IL6ST: variants seen among roughly 807,000 people sequenced by gnomAD.
IL6ST encodes interleukin-6 receptor subunit beta.
A neutral mutation model predicts 91.3 loss-of-function variants in IL6ST; 24 were observed. That is an observed-to-expected ratio of 0.26 (90% confidence interval 0.19 to 0.37). The LOEUF is 0.37. Among genes scored for constraint, IL6ST ranks in the 10% least tolerant of loss-of-function variants. IL6ST has a pLI of 1.00. For missense variants in IL6ST, 914 were observed against 1,078.5 expected (o/e 0.85, Z 2.14); for synonymous variants, 351 against 373.6 (o/e 0.94, Z 0.70).
chr5:55,960,197 A>T (rs778200171), intron 8 of IL6ST, among the ~76,000 whole-genome samples: 3 of 152,008 alleles, frequency 2.0e-5, no homozygotes, highest in Non-Finnish European at 4.4e-5. Context: ...ATGATAATTT[A>T]ATTAGGTATC....
chr5:55,986,556 C>T (rs767061467), intron 1 of IL6ST, among the ~76,000 whole-genome samples: 6 of 152,150 alleles, frequency 3.9e-5, no homozygotes, highest in Non-Finnish European at 5.9e-5. Context: ...AGACCATTTA[C>T]ATTTAATATA....
rs777306092 is a variant in IL6ST at position 55,942,694 on chromosome 5, C to T, written c.1995G>A (p.Gln665=). ...VPDPSKSHIA[Q]WSPHTPPRHN... ...CCCTTGGAGGAGTGTGAGGTGACCA[C>T]TGGGCAATATGACTCTTTGAAGGAT... is the stretch of plus-strand genomic sequence containing the variant. Residue 665 remains glutamine (Q), a synonymous_variant, in exon 16 of 17, where the codon CAG becomes CAA. Coordinates refer to ENST00000381298, the MANE Select transcript of IL6ST (RefSeq NM_002184.4). 2 of 1,606,636 alleles carry T rather than the reference C, an allele frequency of 1.2e-6. No homozygotes were observed. Among genetic ancestry groups the T allele is most frequent in the Non-Finnish European group, 1.7e-6 (2 of 1,174,512 alleles).
chr5:55,946,915 T>C (rs903497693), intron 15 of IL6ST, among the ~76,000 whole-genome samples: 10 of 151,816 alleles, frequency 6.6e-5, no homozygotes, highest in Admixed American at 2.6e-4. Context: ...TGTGATTCTA[T>C]TTATATAAAA....
chr5:55,957,003 C>A (rs1235622549), intron 9 of IL6ST, among the ~76,000 whole-genome samples: 1 of 151,856 alleles, frequency 6.6e-6, no homozygotes, highest in Non-Finnish European at 1.5e-5. Context: ...GCTAAAAATA[C>A]AAAAATTAGC....
In IL6ST at chr5:55,937,888, A is replaced by G. The variant is rs1016529940; in HGVS notation, c.*3194T>C. Reference sequence around the variant, plus strand: ...GCAAAATTAGAATGATGTGGACTATAACAGAATGAAGGAAGATCTCTCCTG... The same window carrying G: ...GCAAAATTAGAATGATGTGGACTATGACAGAATGAAGGAAGATCTCTCCTG... On this transcript the variant is annotated 3_prime_UTR_variant, in exon 17 of 17. Coordinates refer to ENST00000381298, the MANE Select transcript of IL6ST (RefSeq NM_002184.4). 16 of 198,474 alleles carry G rather than the reference A, an allele frequency of 8.1e-5. No homozygotes were observed. The highest frequency in any genetic ancestry group is 1.5e-4 in the Non-Finnish European group (14 of 95,862). 12.3% of individuals were successfully genotyped at this position (198,474 alleles called of 1,614,324 possible). A position where few individuals can be genotyped will look rare whatever the true frequency, so the allele number is the denominator to read the frequency against.
intron 1 of IL6ST, among the ~76,000 whole-genome samples, chr5:55,985,719 G>A (rs1230833788): frequency 6.6e-6 from 1 of 152,168 alleles, no homozygotes; most frequent in African/African-American, 2.4e-5. Context: ...TTTCTCAAGT[G>A]AATTGCCTTT....
chr5:55,937,505 A>G lies in IL6ST; in HGVS notation c.*3577T>C. 1 of 210,050 alleles carries G rather than the reference A, an allele frequency of 4.8e-6. No individual in the cohort carries two copies. The highest frequency in any genetic ancestry group is 9.7e-6 in the Non-Finnish European group (1 of 103,170). The allele number at this position is 210,050 out of a possible 1,614,324, so 13.0% of individuals were successfully genotyped here. On this transcript the variant is annotated 3_prime_UTR_variant, in exon 17 of 17. Transcript: ENST00000381298. ...TGAATTCTGTTTATCGAGTCTGAAA[A>G]GGAACTGCTGCCAAGGACCAGTCCA...
chr5:55,958,583 A>G (rs977117995), intron 8 of IL6ST, among the ~76,000 whole-genome samples: 15 of 152,136 alleles, frequency 9.9e-5, no homozygotes, highest in African/African-American at 3.4e-4. Context: ...CGTGCCTGCG[A>G]TCCCAGCACT....
intron 16 of IL6ST, among the ~76,000 whole-genome samples, chr5:55,942,083 C>G (rs10940493): frequency 0.033 from 5,081 of 152,204 alleles, 291 homozygotes; most frequent in African/African-American, 0.12. Flanking sequence ...CTAGGATTAA[C>G]TGGACAGAAA....
At chr5:55,988,814 G>GA (rs34727997) in intron 1 of IL6ST, among the ~76,000 whole-genome samples, 13,061 of 144,000 alleles carry the variant, frequency 0.091, 652 homozygotes, top group Middle Eastern at 0.15. Context: ...TAACTAATTA[G>GA]AAAATGTAAC....
At chr5:55,948,013 T>C (rs1382499870) in intron 14 of IL6ST, among the ~76,000 whole-genome samples, 1 of 152,042 alleles carries the variant, frequency 6.6e-6, no homozygotes. Flanking sequence ...CTGGGTAAAA[T>C]GGAAAAGCTA....
chr5:55,968,078 T>A (rs1261796500), intron 5 of IL6ST, among the ~76,000 whole-genome samples, 198 bp downstream of exon 5: 1 of 152,190 alleles, frequency 6.6e-6, no homozygotes, highest in Non-Finnish European at 1.5e-5. Context: ...GTTACAGGCA[T>A]GGGCCGCCGC....
intron 11 of IL6ST, 94 bp downstream of exon 11, chr5:55,954,716 C>T (rs901775971): frequency 2.1e-5 from 18 of 854,498 alleles, no homozygotes; most frequent in African/African-American, 1.9e-4. Context: ...AATTGGAAGT[C>T]GTTTCAACGG....
chr5:55,941,518 A>T lies in IL6ST; in HGVS notation c.2321T>A (p.Val774Asp). 1 of 1,614,150 alleles carries T rather than the reference A, an allele frequency of 6.2e-7. No individual in the cohort carries two copies. The highest frequency in any genetic ancestry group is 8.5e-7 in the Non-Finnish European group (1 of 1,180,006). ...AGACTCGGATCTTGAGAAGACTTGG[A>T]CTGACGGAACTTGGTGTCTGTAGCC... Reference protein sequence around the residue: ...HSGYRHQVPSVQVFSRSESTQ... With the variant: ...HSGYRHQVPSDQVFSRSESTQ... The change falls in exon 17 of 17, where the codon GTC becomes GAC. Residue 774 changes from valine (V) to aspartate (D), a missense_variant. Coordinates refer to ENST00000381298, the MANE Select transcript of IL6ST (RefSeq NM_002184.4).
rs1453934478 is a variant in IL6ST, at chr5:55,951,921, T to C, written c.1699+8A>G. ...ACTGATTCTTAATAACTGATACAGT[T>C]TTATTACCAGTTTCATTTCCAATGA... On this transcript the variant is annotated splice_region_variant and intron_variant, in intron 13 of 16. Coordinates refer to ENST00000381298, the MANE Select transcript of IL6ST (RefSeq NM_002184.4). 1.4e-6 allele frequency: 2 copies of C among 1,390,370 alleles called. No individual in the cohort carries two copies. Among genetic ancestry groups the C allele is most frequent in the Admixed American group, 1.8e-5 (1 of 55,662 alleles). 86.1% of individuals were successfully genotyped at this position (1,390,370 alleles called of 1,614,324 possible). A position where few individuals can be genotyped will look rare whatever the true frequency, so the allele number is the denominator to read the frequency against.
At chr5:55,968,191 ATAT>A in intron 5 of IL6ST, 82 bp downstream of exon 5, 1 of 1,139,536 alleles carries the variant, frequency 8.8e-7, no homozygotes, top group Non-Finnish European at 1.3e-6. Flanking sequence ...ATAGCATTTA[ATAT>A]TATTACTTGG....
Position 55,991,805 on chromosome 5 carries a change from TAG to T in IL6ST, c.-104+2977_-104+2978del, listed in dbSNP as rs1277932341. 2.6e-5 allele frequency among the ~76,000 whole-genome samples: 4 copies of T among 152,028 alleles called. No homozygotes were observed. The East Asian group carries it at 5.8e-4, about 22-fold the overall frequency. On this transcript the variant is annotated intron_variant, in intron 1 of 16. Transcript: ENST00000381298. ...TCAAGCTACCTTACTACTATACTTC[TAG>T]AGAGAACTGCTTGCAATTGCAAGCA...
At chr5:55,969,146 C>T (rs1752806733) in intron 4 of IL6ST, among the ~76,000 whole-genome samples, 1 of 149,838 alleles carries the variant, frequency 6.7e-6, no homozygotes, top group Admixed American at 6.7e-5. Flanking sequence ...GAGATGATGC[C>T]ACTGCACTCC....
At chr5:55,974,113 G>A (rs1462514915) in intron 3 of IL6ST, among the ~76,000 whole-genome samples, 2 of 152,118 alleles carry the variant, frequency 1.3e-5, no homozygotes, top group African/African-American at 4.8e-5. Flanking sequence ...CTACCACATA[G>A]TTACGTAACT....
Sources: allele counts gnomAD v4.1 joint callset (sites outside exome capture counted in the v4.1 genomes callset), GRCh38; gene constraint gnomAD v4.1.1; transcripts MANE v1.5; gene names NCBI Gene and HGNC (gene_info 2026-07-23, HGNC 2026-07-21).